Variants in VPS13D observed in about 807,000 individuals in gnomAD.
VPS13D encodes the protein vacuolar protein sorting 13 homolog D.
Under a neutral mutation model 461.9 loss-of-function variants are expected in VPS13D, and 187 were observed. The observed-to-expected ratio is 0.40, with a 90% CI of 0.36 to 0.46. The LOEUF (loss-of-function observed/expected upper bound fraction) is 0.46. VPS13D is among the 20% of genes least tolerant of loss of function. The pLI, the probability that VPS13D is intolerant of heterozygous loss-of-function variation, is 0.60. For synonymous variants in VPS13D, 1,951 were observed against 1,986.3 expected, an observed-to-expected ratio of 0.98 and a Z score of 0.47; for missense variants, 4,711 against 5,364.9, an observed-to-expected ratio of 0.88 and a Z score of 3.81.
chr1:12,352,416 T>C (rs989404778), intron 46 of VPS13D, among the ~76,000 whole-genome samples: 8 of 151,968 alleles, frequency 5.3e-5, no homozygotes, highest in Non-Finnish European at 7.4e-5. Flanking sequence ...ATAAAAAGAA[T>C]AGACAAAAGA....
chr1:12,348,472 A>G (rs537541846), intron 44 of VPS13D, among the ~76,000 whole-genome samples: 91 of 152,346 alleles, frequency 6.0e-4, no homozygotes, highest in Non-Finnish European at 1.1e-3. Flanking sequence ...CTTTCTTACC[A>G]AATTACAGGA....
chr1:12,318,123 G>T lies in VPS13D; in HGVS notation c.7200G>T (p.Val2400=). 6.2e-7 allele frequency: 1 copy of T among 1,614,026 alleles called. No individual in the cohort carries two copies. The highest frequency in any genetic ancestry group is 8.5e-7 in the Non-Finnish European group (1 of 1,179,964). Residue 2400 remains valine (V), a synonymous_variant, in exon 31 of 70, where the codon GTG becomes GTT. Coordinates refer to ENST00000620676, the MANE Select transcript of VPS13D (RefSeq NM_015378.4). ...CAGTAGTTCTCAACAATCTCCGTGT[G>T]TTTCTCATATTTGACTGGCTACTGT... ...CFTVVLNNLR[V]FLIFDWLLLV...
chr1:12,400,177 G>A lies in VPS13D; in HGVS notation c.11635-4G>A, dbSNP rs369670580. The A allele has an allele frequency of 1.6e-4, 254 of 1,613,386 alleles. No homozygotes were observed. The highest frequency in any genetic ancestry group is 2.0e-4 in the Non-Finnish European group (241 of 1,179,856). On this transcript the variant is annotated splice_region_variant and splice_polypyrimidine_tract_variant and intron_variant, in intron 60 of 69. Transcript: ENST00000620676. Reference sequence around the variant, plus strand: ...TTTGCTTTGCTACCTTTCCATGGCCGTAGGTGGACAATCAGCTCATTGGTA... The same window carrying A: ...TTTGCTTTGCTACCTTTCCATGGCCATAGGTGGACAATCAGCTCATTGGTA...
intron 50 of VPS13D, among the ~76,000 whole-genome samples, chr1:12,359,782 TA>T (rs1458003054): frequency 6.6e-6 from 1 of 152,232 alleles, no homozygotes; most frequent in Non-Finnish European, 1.5e-5. Context: ...AAGTTGACAT[TA>T]AGATTTTTAA....
intron 60 of VPS13D, among the ~76,000 whole-genome samples, chr1:12,399,142 T>A (rs978416767): frequency 1.3e-5 from 2 of 152,208 alleles, no homozygotes; most frequent in Admixed American, 6.5e-5. Flanking sequence ...TTAATTAAAT[T>A]TTTTGTTTCA....
chr1:12,468,227 A>G (rs960242615), intron 67 of VPS13D, among the ~76,000 whole-genome samples: 31 of 152,184 alleles, frequency 2.0e-4, no homozygotes, highest in African/African-American at 6.8e-4. Flanking sequence ...AACGGTGTCT[A>G]TTTCTTTTTG....
Position 12,261,148 on chromosome 1 carries a change from G to T in VPS13D, c.1413G>T (p.Leu471=). ...QQEQWIPEEI[L]GTEEFFDPTA... ...AGCAGTGGATTCCTGAAGAGATCCT[G>T]GGTACGGTGGGAGCTGGCCTTCACT... Residue 471 remains leucine, a splice_region_variant and synonymous_variant, in exon 12 of 70, where the codon CTG becomes CTT. Transcript: ENST00000620676. The T allele has an allele frequency of 1.9e-6, 3 of 1,614,146 alleles. No individual in the cohort carries two copies. In the East Asian group the frequency reaches 6.7e-5, roughly 36 times the overall value.
intron 47 of VPS13D, among the ~76,000 whole-genome samples, chr1:12,355,124 C>T (rs957335245): frequency 1.3e-5 from 2 of 152,174 alleles, no homozygotes; most frequent in African/African-American, 4.8e-5. Flanking sequence ...TTGGAATACT[C>T]AGCAGTGTAT....
At chr1:12,487,823 C>T (rs1028353065) in intron 67 of VPS13D, among the ~76,000 whole-genome samples, 1 of 152,190 alleles carries the variant, frequency 6.6e-6, no homozygotes, top group Non-Finnish European at 1.5e-5. Flanking sequence ...GATTGTGTTA[C>T]AAACTTCATT....
chr1:12,499,738 G>A (rs749008784), intron 68 of VPS13D: 9 of 985,198 alleles, frequency 9.1e-6, no homozygotes, highest in Non-Finnish European at 1.1e-5. Context: ...ACGTGACCAC[G>A]GCCTTCCCAA....
rs1267797826 is a variant in VPS13D at position 12,356,499 on chromosome 1, T to C, written c.9973T>C (p.Tyr3325His). ...ARSLSPLLFC[Y>H]ADKEQPNLCT... ...TAGCCTGAGTCCTCTCTTATTCTGC[T>C]ATGCTGACAAAGAGCAGCCAAACCT... Residue 3325 changes from tyrosine to histidine, a missense_variant, in exon 49 of 70, where the codon TAT (tyrosine) becomes CAT (histidine). Physicochemically the swap from Tyr to His is moderately conservative, Grantham distance 83 (BLOSUM62 2). This residue lies in a region of VPS13D where 4,411 missense variants were observed against 4,937.8 expected (regional missense o/e 0.89). Transcript: ENST00000620676. 7 of 1,613,920 alleles carry C rather than the reference T, an allele frequency of 4.3e-6. 1 individual carries two copies. In the South Asian group the frequency reaches 5.5e-5, roughly 13 times the overall value.
rs767371542 is a variant in VPS13D at position 12,283,113 on chromosome 1, C to G, written c.5011C>G (p.Leu1671Val). The change falls in exon 21 of 70, where the codon CTG (leucine) becomes GTG (valine). Residue 1671 changes from leucine (L) to valine (V), a missense_variant. By Grantham distance (32) the Leu-to-Val change is conservative. This residue lies in a region of VPS13D where 4,411 missense variants were observed against 4,937.8 expected (regional missense o/e 0.89). Coordinates refer to ENST00000620676, the MANE Select transcript of VPS13D (RefSeq NM_015378.4). The part of the protein sequence containing the change: ...TLSIQIALHS[L>V]LMEDLLEKNP... Reference sequence around the variant, plus strand: ...ATCTATTCAGATTGCCCTGCATTCTCTGCTGATGGAGGACTTATTGGAGAA... The same window carrying G: ...ATCTATTCAGATTGCCCTGCATTCTGTGCTGATGGAGGACTTATTGGAGAA... 35 of 1,614,160 alleles carry G rather than the reference C, an allele frequency of 2.2e-5. No homozygotes were observed. The highest frequency in any genetic ancestry group is 2.8e-5 in the Non-Finnish European group (33 of 1,180,022).
chr1:12,508,341 C>G lies in VPS13D; in HGVS notation c.13036-552C>G, dbSNP rs536559813. 5.9e-5 allele frequency among the ~76,000 whole-genome samples: 9 copies of G among 152,258 alleles called. No individual in the cohort carries two copies. In the South Asian group the frequency reaches 1.9e-3, roughly 32 times the overall value. On this transcript the variant is annotated intron_variant, in intron 69 of 69. Transcript: ENST00000620676. ...TGCTCTTGGTCTTACCTCTGCAGATCAGTTATGGCCGTGGGGGGGAGTTCC... is the reference window on the plus strand; with the variant it reads ...TGCTCTTGGTCTTACCTCTGCAGATGAGTTATGGCCGTGGGGGGGAGTTCC...
chr1:12,338,365 A>C (rs1643496262), intron 40 of VPS13D, 60 bp downstream of exon 40: 1 of 1,531,560 alleles, frequency 6.5e-7, no homozygotes, highest in Middle Eastern at 1.7e-4. Flanking sequence ...TTCCTTGTAC[A>C]TCAATTTTTT....
intron 60 of VPS13D, among the ~76,000 whole-genome samples, chr1:12,399,759 C>T (rs1374615754): frequency 6.6e-6 from 1 of 150,740 alleles, no homozygotes; most frequent in East Asian, 2.0e-4. Flanking sequence ...GCAGAGGTTG[C>T]AGTGAGCCAA....
chr1:12,506,513 C>A (rs142616782), intron 68 of VPS13D, among the ~76,000 whole-genome samples: 23 of 152,256 alleles, frequency 1.5e-4, no homozygotes, highest in Admixed American at 2.6e-4. Context: ...GCTTTCAGCG[C>A]CCCCAGCTGC....
chr1:12,239,487 C>T (rs1640275528), intron 2 of VPS13D, among the ~76,000 whole-genome samples: 1 of 152,190 alleles, frequency 6.6e-6, no homozygotes, highest in Non-Finnish European at 1.5e-5. Context: ...GGCAGGTCCC[C>T]ACATTCGAGG....
At chr1:12,370,245 C>T (rs892986297) in intron 54 of VPS13D, among the ~76,000 whole-genome samples, 1 of 152,166 alleles carries the variant, frequency 6.6e-6, no homozygotes, top group Non-Finnish European at 1.5e-5. Context: ...TATTTTAATT[C>T]TGTTAGATTG....
intron 13 of VPS13D, among the ~76,000 whole-genome samples, chr1:12,266,156 C>T (rs373425557): frequency 6.6e-6 from 1 of 152,050 alleles, no homozygotes; most frequent in East Asian, 1.9e-4. Flanking sequence ...CAAAGCAAGA[C>T]CTTGTCTCAA....
Sources: gnomAD v4.1 joint callset for allele counts (sites outside exome capture counted in the v4.1 genomes callset) on GRCh38, gnomAD v4.1.1 for gene constraint, gnomAD v4.1.1 regional missense constraint, MANE v1.5 for transcripts, NCBI Gene and HGNC (gene_info 2026-07-23, HGNC 2026-07-21) for gene names.